Variants in MGST1 observed in about 807,000 individuals in gnomAD.
MGST1 encodes glutathione S-transferase 12.
A neutral mutation model predicts 8.9 loss-of-function variants in MGST1; 5 were observed. That is an observed-to-expected ratio of 0.56 (90% CI 0.29 to 1.19). MGST1 has a LOEUF of 1.19. MGST1 is among the 50% of genes most tolerant of loss of function. MGST1 has a pLI of 0.08. For missense variants in MGST1, 182 were observed against 187.4 expected, an observed-to-expected ratio of 0.97 and a Z score of 0.17; for synonymous variants, 54 against 67.8, an observed-to-expected ratio of 0.80 and a Z score of 1.00.
chr12:16,581,592 C>T (rs980992718), intron 4 of MGST1, among the ~76,000 whole-genome samples: 3 of 152,162 alleles, frequency 2.0e-5, no homozygotes, highest in Non-Finnish European at 2.9e-5. Context: ...GAGTTTCATT[C>T]TGTTGACTTT....
At chr12:16,397,439 A>G (rs1310129342) in intron 1 of MGST1, among the ~76,000 whole-genome samples, 1 of 152,336 alleles carries the variant, frequency 6.6e-6, no homozygotes, top group East Asian at 1.9e-4. Context: ...ACTTAATTAA[A>G]CTAAAGAACT....
At position 16,560,664 on chromosome 12, in the gene MGST1, G is replaced by T; in HGVS notation, n.483-28864G>T. 1 of 818,148 alleles carries T rather than the reference G, an allele frequency of 1.2e-6. No homozygotes were observed. The highest frequency in any genetic ancestry group is 1.9e-6 in the Non-Finnish European group (1 of 516,368). The allele number at this position is 818,148 out of a possible 1,614,324, so 50.7% of individuals were successfully genotyped here. A position where few individuals can be genotyped will look rare whatever the true frequency, so the allele number is the denominator to read the frequency against. ...CAATGCTTTATGATGTACACAAGTG[G>T]ATTTTATCCTAGGTGTATGCATAAA... On this transcript the variant is annotated intron_variant and non_coding_transcript_variant, in intron 4 of 4. Coordinates refer to the MGST1 transcript ENST00000538857. The surrounding 1 kb of genome is among the most constrained non-coding windows in gnomAD (Gnocchi z 5.0).
chr12:16,366,594 T>C (rs1236533049), downstream of MGST1, among the ~76,000 whole-genome samples: 4 of 151,872 alleles, frequency 2.6e-5, no homozygotes, highest in Non-Finnish European at 5.9e-5. This position sits in a 1 kb window ranked among gnomAD's most constrained non-coding sequence, Gnocchi z 4.0. Flanking sequence ...ACAAAGATTG[T>C]GGTTATCTTT....
chr12:16,542,387 G>A (rs182082057), intron 4 of MGST1, among the ~76,000 whole-genome samples: 1 of 152,170 alleles, frequency 6.6e-6, no homozygotes, highest in Non-Finnish European at 1.5e-5. Flanking sequence ...AAAGCCCAAA[G>A]AATTTTTGAA....
At position 16,401,075 on chromosome 12, in the gene MGST1, G is replaced by A; in HGVS notation, n.778+17471G>A. The A allele has an allele frequency of 6.3e-7, 1 of 1,593,778 alleles. No homozygotes were observed. The highest frequency in any genetic ancestry group is 2.2e-5 in the East Asian group (1 of 44,698). ...GCTGCCCGAGAACCTCTTCCCAAAA[G>A]GTCCTCTGCCTCATCTTTCTCCTCC... On this transcript the variant is annotated intron_variant and non_coding_transcript_variant, in intron 1 of 1. Coordinates refer to the MGST1 transcript ENST00000359720. This position sits in a 1 kb window ranked among gnomAD's most constrained non-coding sequence, Gnocchi z 4.3.
At chr12:16,485,575 A>G (rs7954922) in intron 4 of MGST1, among the ~76,000 whole-genome samples, 26 of 152,354 alleles carry the variant, frequency 1.7e-4, no homozygotes, top group African/African-American at 6.0e-4. Context: ...TTATGTATTC[A>G]AATATTATCT....
At chr12:16,558,164 T>C (rs1022952217) in intron 4 of MGST1, among the ~76,000 whole-genome samples, 5 of 152,054 alleles carry the variant, frequency 3.3e-5, no homozygotes, top group African/African-American at 1.2e-4. Flanking sequence ...GTAACTTTAA[T>C]TTGCTTAAAT....
chr12:16,395,147 T>C (rs1474127634), intron 1 of MGST1, among the ~76,000 whole-genome samples: 3 of 151,986 alleles, frequency 2.0e-5, no homozygotes, highest in Non-Finnish European at 2.9e-5. Context: ...TTCTAAAGTA[T>C]TTATAATTTT....
rs1565472636 is a variant in MGST1, at chr12:16,546,017, G to A, written n.483-43511G>A. On this transcript the variant is annotated intron_variant and non_coding_transcript_variant, in intron 4 of 4. Transcript: ENST00000538857. This position sits in a 1 kb window ranked among gnomAD's most constrained non-coding sequence, Gnocchi z 4.7. Reference sequence around the variant, plus strand: ...CTACTTTCTGACTCTATGACCTTGGGCGAATTAAGTAACCTGGCTGTGCTT... The same window carrying A: ...CTACTTTCTGACTCTATGACCTTGGACGAATTAAGTAACCTGGCTGTGCTT... Among the ~76,000 whole-genome samples, 1 of 152,032 alleles carries A rather than the reference G, an allele frequency of 6.6e-6. No homozygotes were observed. The highest frequency in any genetic ancestry group is 1.5e-5 in the Non-Finnish European group (1 of 67,972).
At chr12:16,487,980 ACATACC>A (rs1203526172) in intron 4 of MGST1, among the ~76,000 whole-genome samples, 1 of 152,244 alleles carries the variant, frequency 6.6e-6, no homozygotes, top group Non-Finnish European at 1.5e-5. Flanking sequence ...AATTTGAATT[ACATACC>A]CATCTGTACT....
Position 16,372,952 on chromosome 12 carries a change from CATATTACATATTAT to C in MGST1, c.222-3152_222-3139del, listed in dbSNP as rs1052886074. 9.8e-4 allele frequency among the ~76,000 whole-genome samples: 101 copies of C among 103,506 alleles called. 1 individual carries two copies. The highest frequency in any genetic ancestry group is 3.8e-3 in the African/African-American group (90 of 23,638). The allele number at this position is 103,506 out of a possible 152,430, so 67.9% of individuals were successfully genotyped here. On this transcript the variant is annotated intron_variant, in intron 3 of 3. Coordinates refer to the MGST1 transcript ENST00000535309. ...ATTGTATATTTTATATTATATATTA[CATATTACATATTAT>C]ATATTACATATTATATAATATAGTA...
chr12:16,353,554 C>T (rs1939569530), intron 1 of MGST1: 1 of 152,010 alleles, frequency 6.6e-6, no homozygotes, highest in Non-Finnish European at 1.5e-5. Context: ...TTGATGTTTC[C>T]AAAGAGATCA....
rs1329975971 is a variant in MGST1, at chr12:16,363,881, C to G, written c.308C>G (p.Ala103Gly). The G allele has an allele frequency of 3.2e-5, 51 of 1,613,844 alleles. 1 individual carries two copies. The Admixed American group carries it at 8.5e-4, about 27-fold the overall frequency. ...YSLSGPDPST[A>G]ILHFRLFVGA... Reference sequence around the variant, plus strand: ...TTGAGTGGTCCCGACCCCTCTACAGCCATCCTGCACTTCAGACTATTTGTC... The same window carrying G: ...TTGAGTGGTCCCGACCCCTCTACAGGCATCCTGCACTTCAGACTATTTGTC... The change falls in exon 4 of 4, where the codon GCC becomes GGC. Residue 103 changes from alanine (A) to glycine (G), a missense_variant. Physicochemically the swap from Ala to Gly is moderately conservative, Grantham distance 60. Transcript: ENST00000396210. This position sits in a 1 kb window ranked among gnomAD's most constrained non-coding sequence, Gnocchi z 4.6.
At chr12:16,543,851 C>G (rs1941806300) in intron 4 of MGST1, among the ~76,000 whole-genome samples, 1 of 152,048 alleles carries the variant, frequency 6.6e-6, no homozygotes, top group African/African-American at 2.4e-5. Flanking sequence ...AGTAATCAAG[C>G]TAACCTTAAA....
intron 2 of MGST1, among the ~76,000 whole-genome samples, chr12:16,357,215 C>T (rs1295178957): frequency 6.6e-6 from 1 of 152,166 alleles, no homozygotes. Context: ...CACTAAAATG[C>T]AAATAACTTA....
At chr12:16,369,049 A>G (rs1430625884), downstream of MGST1, among the ~76,000 whole-genome samples, 1 of 152,162 alleles carries the variant, frequency 6.6e-6, no homozygotes, top group Non-Finnish European at 1.5e-5. The surrounding 1 kb of genome is among the most constrained non-coding windows in gnomAD (Gnocchi z 4.8). Flanking sequence ...AGCCTAAGTC[A>G]TTCGTATCTA....
intron 1 of MGST1, among the ~76,000 whole-genome samples, chr12:16,402,839 G>C (rs1281566356): frequency 6.6e-6 from 1 of 150,922 alleles, no homozygotes; most frequent in South Asian, 2.1e-4. Context: ...AATTTCCACT[G>C]TTTGCCGCAT....
intron 1 of MGST1, among the ~76,000 whole-genome samples, chr12:16,422,125 G>C (rs1426455702): frequency 6.6e-6 from 1 of 152,170 alleles, no homozygotes; most frequent in East Asian, 1.9e-4. Context: ...CATTGGATGA[G>C]ACTGGCTGAC....
downstream of MGST1, among the ~76,000 whole-genome samples, chr12:16,380,850 A>G (rs2137039582): frequency 2.6e-5 from 4 of 152,316 alleles, 1 homozygote; most frequent in Middle Eastern, 0.014. Flanking sequence ...ATATATATTT[A>G]GGATAGTTAG....
Sources: allele counts gnomAD v4.1 joint callset (sites outside exome capture counted in the v4.1 genomes callset), GRCh38; gene constraint gnomAD v4.1.1; non-coding constraint Gnocchi (gnomAD v3.1); transcripts MANE v1.5; gene names NCBI Gene and HGNC (gene_info 2026-07-23, HGNC 2026-07-21).